The following FCER1A variants were observed in gnomAD, a reference collection of about 807,000 sequenced individuals.
FCER1A encodes Fc epsilon receptor Ia.
FCER1A carries 24 observed loss-of-function variants against 23.6 expected under a neutral mutation model. That is an observed-to-expected ratio of 1.02 (90% CI 0.74 to 1.43). The LOEUF (loss-of-function observed/expected upper bound fraction) is 1.43, where lower values mean the gene tolerates loss of function less well. FCER1A is among the 40% of genes most tolerant of loss of function. The pLI, the probability that FCER1A is intolerant of heterozygous loss-of-function variation, is 0.00. For synonymous variants in FCER1A, 121 were observed against 108.8 expected (o/e 1.11, Z -0.70); for missense variants, 318 against 294.5 (o/e 1.08, Z -0.58).
rs767348260 is a variant in FCER1A at position 159,306,130 on chromosome 1, C to T, written c.474C>T (p.Asn158=). 1 of 1,614,106 alleles carries T rather than the reference C, an allele frequency of 6.2e-7. No individual in the cohort carries two copies. The highest frequency in any genetic ancestry group is 8.5e-7 in the Non-Finnish European group (1 of 1,180,024). Residue 158 remains asparagine (N), a synonymous_variant, in exon 4 of 5, where the codon AAC becomes AAT. Coordinates refer to ENST00000693622, the MANE Select transcript of FCER1A (RefSeq NM_001387280.1). ...DGEALKYWYE[N]HNISITNATV... Reference sequence around the variant, plus strand: ...AAGCTCTCAAGTACTGGTATGAGAACCACAACATCTCCATTACAAATGCCA... The same window carrying T: ...AAGCTCTCAAGTACTGGTATGAGAATCACAACATCTCCATTACAAATGCCA...
Position 159,302,393 on chromosome 1 carries a change from T to C in FCER1A, c.29T>C (p.Leu10Pro). The change falls in exon 1 of 5, where the codon CTA becomes CCA. Residue 10 changes from leucine (L) to proline (P), a missense_variant. Transcript: ENST00000693622. MAPAMESPTLLCVALLFFAP... is the reference protein window; with the variant it reads MAPAMESPTPLCVALLFFAP... Reference sequence around the variant, plus strand: ...GCTCCTGCCATGGAATCCCCTACTCTACTGTGTGTAGCCTTACTGTTCTTC... The same window carrying C: ...GCTCCTGCCATGGAATCCCCTACTCCACTGTGTGTAGCCTTACTGTTCTTC... 6.2e-7 allele frequency: 1 copy of C among 1,611,178 alleles called. No individual in the cohort carries two copies. The highest frequency in any genetic ancestry group is 8.5e-7 in the Non-Finnish European group (1 of 1,177,288).
chr1:159,292,442 A>T (rs140276247), intron 1 of FCER1A, among the ~76,000 whole-genome samples: 1 of 152,112 alleles, frequency 6.6e-6, no homozygotes, highest in Non-Finnish European at 1.5e-5. Context: ...ATCATATTTT[A>T]TACTTTCTGT....
upstream of FCER1A, among the ~76,000 whole-genome samples, chr1:159,300,377 C>T (rs1652400329): frequency 6.6e-6 from 1 of 152,080 alleles, no homozygotes. Flanking sequence ...CCAAATTTCC[C>T]CTGGCAAAGT....
chr1:159,304,267 G>T (rs986298813), intron 3 of FCER1A, 85 bp downstream of exon 3: 35 of 1,352,486 alleles, frequency 2.6e-5, no homozygotes, highest in Non-Finnish European at 3.6e-5. Context: ...TATTCCAAGG[G>T]TTAGGACACC....
chr1:159,303,883 T>A (rs778179931), intron 2 of FCER1A, 45 bp from the exon 3 acceptor site: 9 of 1,533,036 alleles, frequency 5.9e-6, no homozygotes, highest in Non-Finnish European at 8.0e-6. Context: ...TTTCAATGAC[T>A]TTTTTTCTCT....
At chr1:159,299,849 G>T (rs1047164397), upstream of FCER1A, among the ~76,000 whole-genome samples, 3 of 151,772 alleles carry the variant, frequency 2.0e-5, no homozygotes, top group Non-Finnish European at 1.5e-5. Context: ...TAGAGCTCTT[G>T]TTTAATGTTA....
At chr1:159,298,209 A>C (rs2102223646), upstream of FCER1A, among the ~76,000 whole-genome samples, 1 of 152,302 alleles carries the variant, frequency 6.6e-6, no homozygotes, top group South Asian at 2.1e-4. Flanking sequence ...CTTGATATCT[A>C]GATGCCCACA....
intron 2 of FCER1A, among the ~76,000 whole-genome samples, chr1:159,303,283 C>T (rs1571080957): frequency 6.6e-6 from 1 of 152,168 alleles, no homozygotes; most frequent in South Asian, 2.1e-4. Flanking sequence ...CAGTTCTCTT[C>T]TGACTATATC....
chr1:159,306,477 G>A (rs1343587136), intron 4 of FCER1A, among the ~76,000 whole-genome samples: 2 of 152,174 alleles, frequency 1.3e-5, no homozygotes, highest in Admixed American at 1.3e-4. Context: ...TTTTTATGAA[G>A]ATTAATGTGG....
chr1:159,291,317 A>C (rs1394975719), intron 1 of FCER1A, among the ~76,000 whole-genome samples: 2 of 152,112 alleles, frequency 1.3e-5, no homozygotes, highest in African/African-American at 4.8e-5. Context: ...TTTACTGTTA[A>C]TTTTATTTAT....
intron 1 of FCER1A, among the ~76,000 whole-genome samples, chr1:159,292,630 A>G (rs1652181937): frequency 6.6e-6 from 1 of 152,146 alleles, no homozygotes. Flanking sequence ...CTATATATAG[A>G]TAGATCGGTA....
At chr1:159,289,317 C>G (rs754310112), upstream of FCER1A, among the ~76,000 whole-genome samples, 2 of 152,172 alleles carry the variant, frequency 1.3e-5, no homozygotes, top group Non-Finnish European at 2.9e-5. Flanking sequence ...TAGAAGCCAC[C>G]TTAGGACCAA....
intron 1 of FCER1A, among the ~76,000 whole-genome samples, chr1:159,294,413 A>C (rs986806543): frequency 3.3e-5 from 5 of 152,056 alleles, no homozygotes; most frequent in East Asian, 3.9e-4. Context: ...GTCTTGTTTC[A>C]TCCTATCTCG....
upstream of FCER1A, among the ~76,000 whole-genome samples, chr1:159,298,720 A>G (rs1652356745): frequency 1.3e-5 from 2 of 152,330 alleles, no homozygotes; most frequent in African/African-American, 2.4e-5. Context: ...CTTTTTAGGC[A>G]TGTCCATGAA....
chr1:159,305,594 G>A (rs1330594304), intron 3 of FCER1A, among the ~76,000 whole-genome samples: 1 of 152,162 alleles, frequency 6.6e-6, no homozygotes, highest in Non-Finnish European at 1.5e-5. Context: ...GAACTGGGAA[G>A]TTTCTATAAG....
intron 1 of FCER1A, among the ~76,000 whole-genome samples, chr1:159,291,060 A>G (rs1195222359): frequency 6.6e-6 from 1 of 152,040 alleles, no homozygotes; most frequent in Non-Finnish European, 1.5e-5. Context: ...TTGAAACAAG[A>G]TTTTTTTCTA....
At chr1:159,294,516 C>A (rs1407457386) in intron 1 of FCER1A, among the ~76,000 whole-genome samples, 1 of 152,120 alleles carries the variant, frequency 6.6e-6, no homozygotes, top group African/African-American at 2.4e-5. Context: ...TATGGAGCAA[C>A]ATTATTTACT....
At chr1:159,302,755 A>C in intron 1 of FCER1A, 99 bp from the exon 2 acceptor site, 1 of 1,115,162 alleles carries the variant, frequency 9.0e-7, no homozygotes, top group Non-Finnish European at 1.4e-6. Flanking sequence ...GGTCCTTAAA[A>C]TTCCATGGAT....
At chr1:159,304,944 G>T (rs1326545238) in intron 3 of FCER1A, among the ~76,000 whole-genome samples, 1 of 152,034 alleles carries the variant, frequency 6.6e-6, no homozygotes, top group Non-Finnish European at 1.5e-5. Context: ...TATGTCCTCT[G>T]TTGTTACTTA....
Sources: gnomAD v4.1 joint callset for allele counts (sites outside exome capture counted in the v4.1 genomes callset) on GRCh38, gnomAD v4.1.1 for gene constraint, MANE v1.5 for transcripts, NCBI Gene and HGNC (gene_info 2026-07-23, HGNC 2026-07-21) for gene names.